MYLK3: variants seen among roughly 807,000 people sequenced by gnomAD.
MYLK3 encodes the protein MLC kinase.
Under a neutral mutation model 76.3 loss-of-function variants are expected in MYLK3, and 55 were observed. The ratio of observed to expected loss-of-function variants is 0.72; its 90% CI spans 0.58 to 0.90. MYLK3 has a LOEUF of 0.90. Ranked by LOEUF, MYLK3 falls within the 40% of genes least tolerant of loss-of-function variation. The probability of loss-of-function intolerance (pLI) is 0.00; values close to 1 mark genes in which losing one functional copy is unlikely to be tolerated. For synonymous variants in MYLK3, 416 were observed against 425.4 expected (o/e 0.98, Z 0.27); for missense variants, 973 against 1,053.6 (o/e 0.92, Z 1.06).
chr16:46,728,373 C>A (rs1212330586), intron 7 of MYLK3, among the ~76,000 whole-genome samples: 1 of 152,180 alleles, frequency 6.6e-6, no homozygotes, highest in Admixed American at 6.5e-5. Context: ...AGCCAGATAT[C>A]TAGGTTTTAA....
chr16:46,716,521 GTGTGTGTGTGTGTA>G (rs999574680), intron 9 of MYLK3, among the ~76,000 whole-genome samples: 5 of 151,580 alleles, frequency 3.3e-5, no homozygotes, highest in African/African-American at 1.2e-4. Flanking sequence ...GTGTGTGTGT[GTGTGTGTGTGTGTA>G]TGTTTATTCC....
intron 9 of MYLK3, among the ~76,000 whole-genome samples, chr16:46,716,086 G>A (rs530273457): frequency 5.3e-5 from 8 of 152,260 alleles, no homozygotes; most frequent in African/African-American, 1.7e-4. Context: ...CCGGCCCCAC[G>A]GAGTGCGGTT....
At chr16:46,762,217 T>A (rs942305835) in intron 1 of MYLK3, among the ~76,000 whole-genome samples, 2 of 152,244 alleles carry the variant, frequency 1.3e-5, no homozygotes, top group African/African-American at 4.8e-5. Context: ...CTCAAGCGTA[T>A]ACATAGAATC....
intron 7 of MYLK3, 47 bp downstream of exon 7, chr16:46,728,977 T>G: frequency 7.1e-7 from 1 of 1,410,324 alleles, no homozygotes; most frequent in Non-Finnish European, 1.0e-6. Context: ...GCCCCAGCAC[T>G]GAGCCCTGGC....
chr16:46,713,293 G>A (rs1966703816), intron 9 of MYLK3, among the ~76,000 whole-genome samples: 1 of 151,300 alleles, frequency 6.6e-6, no homozygotes, highest in Non-Finnish European at 1.5e-5. Flanking sequence ...TGCCTCCCAG[G>A]CTCAAGCAAT....
rs768899772 is a variant in MYLK3, at chr16:46,737,902, C to A, written c.810G>T (p.Arg270Ser). The change falls in exon 3 of 13, where the codon AGG becomes AGT. Residue 270 changes from arginine to serine, a missense_variant. Coordinates refer to ENST00000394809, the MANE Select transcript of MYLK3 (RefSeq NM_182493.3). ...CCAGGCTCGGGGAGACCACATTGAC[C>A]CTGCCGGGTGCTGGAGCCAATTCCA... ...TGLELAPAPG[R>S]VNVVSPSLEV... 5.6e-6 allele frequency: 9 copies of A among 1,614,180 alleles called. No individual in the cohort carries two copies. Among genetic ancestry groups the A allele is most frequent in the East Asian group, 2.2e-5 (1 of 44,888 alleles).
At chr16:46,739,599 A>T (rs1966897423) in intron 2 of MYLK3, among the ~76,000 whole-genome samples, 1 of 151,844 alleles carries the variant, frequency 6.6e-6, no homozygotes, top group African/African-American at 2.4e-5. Context: ...AAGAATGAAG[A>T]CCCACTTCCA....
chr16:46,706,451 G>A lies in MYLK3; in HGVS notation c.*1253C>T, dbSNP rs1331513977. The stretch of plus-strand genomic sequence containing the variant: ...TGACATTACAGGCATCCGCCACCAC[G>A]CCCCACTAATTTTTGTATTTTTAGT... On this transcript the variant is annotated 3_prime_UTR_variant, in exon 13 of 13. Transcript: ENST00000394809. 2 of 151,828 alleles carry A rather than the reference G, an allele frequency of 1.3e-5. No individual in the cohort carries two copies. Among genetic ancestry groups the A allele is most frequent in the Non-Finnish European group, 2.9e-5 (2 of 67,996 alleles). 9.4% of individuals were successfully genotyped at this position (151,828 alleles called of 1,614,324 possible). A position where few individuals can be genotyped will look rare whatever the true frequency, so the allele number is the denominator to read the frequency against.
intron 3 of MYLK3, among the ~76,000 whole-genome samples, chr16:46,737,123 T>C (rs552720544): frequency 2.0e-5 from 3 of 152,316 alleles, no homozygotes; most frequent in African/African-American, 7.2e-5. Flanking sequence ...GGAAGCAGGA[T>C]GGTGCAGTGA....
intron 2 of MYLK3, among the ~76,000 whole-genome samples, chr16:46,738,823 A>G (rs1274896120): frequency 6.6e-6 from 1 of 152,172 alleles, no homozygotes. Flanking sequence ...ACAAAGGTAG[A>G]AGATAGACTT....
At chr16:46,738,252 C>A in intron 2 of MYLK3, 109 bp from the exon 3 acceptor site, 1 of 1,038,416 alleles carries the variant, frequency 9.6e-7, no homozygotes, top group Non-Finnish European at 1.3e-6. Flanking sequence ...TTTATAATAG[C>A]CAAAGACTGG....
chr16:46,756,932 A>G (rs1468624489), intron 1 of MYLK3, among the ~76,000 whole-genome samples: 1 of 152,184 alleles, frequency 6.6e-6, no homozygotes, highest in African/African-American at 2.4e-5. Flanking sequence ...CGGTCAGCCC[A>G]GCAAGGCAGC....
intron 1 of MYLK3, among the ~76,000 whole-genome samples, chr16:46,760,410 C>T (rs1022710258): frequency 6.6e-6 from 1 of 152,240 alleles, no homozygotes; most frequent in African/African-American, 2.4e-5. Flanking sequence ...GTGCTCAGCA[C>T]CTTAGCTGCA....
intron 9 of MYLK3, among the ~76,000 whole-genome samples, chr16:46,717,725 C>A (rs1203361237): frequency 6.6e-6 from 1 of 152,118 alleles, no homozygotes; most frequent in African/African-American, 2.4e-5. Context: ...CAAACCCTGG[C>A]AAAGATTACA....
chr16:46,729,958 C>T (rs1325320255), intron 5 of MYLK3: 1 of 561,020 alleles, frequency 1.8e-6, no homozygotes, highest in Non-Finnish European at 3.2e-6. Flanking sequence ...GGAACATCCC[C>T]TTCACCCCAC....
At chr16:46,727,445 T>C in intron 7 of MYLK3, 68 bp from the exon 8 acceptor site, 1 of 1,523,344 alleles carries the variant, frequency 6.6e-7, no homozygotes, top group Non-Finnish European at 8.9e-7. Flanking sequence ...CCACTGTCAT[T>C]ATAGGGCCAA....
At chr16:46,708,362 T>C (rs961637724) in intron 12 of MYLK3, among the ~76,000 whole-genome samples, 1 of 152,188 alleles carries the variant, frequency 6.6e-6, no homozygotes, top group African/African-American at 2.4e-5. Flanking sequence ...GAAATCAAAT[T>C]GGTGGGTTGT....
intron 9 of MYLK3, among the ~76,000 whole-genome samples, chr16:46,713,418 C>T (rs1966705259): frequency 6.6e-6 from 1 of 152,024 alleles, no homozygotes; most frequent in Non-Finnish European, 1.5e-5. Context: ...AGGCTGGCCT[C>T]AAACTCCTGA....
chr16:46,748,123 GT>G lies in MYLK3; in HGVS notation c.70del (p.Thr24ProfsTer6). ...CAGCATGTTCAGCTTTGTGTCCATG[GT>G]TGTTAAGCAGGTCTTGCCCAACCCT... ...LPGLGKTCLT[T>X]MDTKLNMLNE... On this transcript the variant is annotated frameshift_variant, in exon 1 of 13. Coordinates refer to ENST00000394809, the MANE Select transcript of MYLK3 (RefSeq NM_182493.3). LOFTEE classifies it high-confidence loss of function. This position sits in a 1 kb window ranked among gnomAD's most constrained non-coding sequence, Gnocchi z 4.3. The G allele has an allele frequency of 1.2e-6, 2 of 1,614,256 alleles. No individual in the cohort carries two copies. Among genetic ancestry groups the G allele is most frequent in the Non-Finnish European group, 8.5e-7 (1 of 1,180,040 alleles).
Sources: allele counts gnomAD v4.1 joint callset (sites outside exome capture counted in the v4.1 genomes callset), GRCh38; gene constraint gnomAD v4.1.1; non-coding constraint Gnocchi (gnomAD v3.1); transcripts MANE v1.5; gene names NCBI Gene and HGNC (gene_info 2026-07-23, HGNC 2026-07-21).